SBF2: variants seen among roughly 807,000 people sequenced by gnomAD.
SBF2 encodes SET binding factor 2, also known as myotubularin-related protein 13.
SBF2 carries 112 observed loss-of-function variants against 225.2 expected under a neutral mutation model. That is an observed-to-expected ratio of 0.50 (90% CI 0.43 to 0.58). The LOEUF (loss-of-function observed/expected upper bound fraction) is 0.58. Among genes scored for constraint, SBF2 ranks in the 20% least tolerant of loss-of-function variants. The pLI is 0.00. For synonymous variants in SBF2, 763 were observed against 773.3 expected, an observed-to-expected ratio of 0.99 and a Z score of 0.22; for missense variants, 1,996 against 2,206.2, an observed-to-expected ratio of 0.90 and a Z score of 1.91.
intron 17 of SBF2, among the ~76,000 whole-genome samples, chr11:9,870,319 A>G (rs1858619324): frequency 6.6e-6 from 1 of 152,192 alleles, no homozygotes; most frequent in African/African-American, 2.4e-5. Flanking sequence ...CCATTAAACT[A>G]CCATTGACAT....
chr11:10,273,480 A>T (rs1264607073), intron 1 of SBF2, among the ~76,000 whole-genome samples: 2 of 152,204 alleles, frequency 1.3e-5, no homozygotes, highest in African/African-American at 4.8e-5. Context: ...TAAAGAACTT[A>T]TTTTTCTTTT....
intron 9 of SBF2, among the ~76,000 whole-genome samples, chr11:9,996,474 C>T (rs1301545002): frequency 6.6e-6 from 1 of 152,200 alleles, no homozygotes; most frequent in African/African-American, 2.4e-5. Context: ...ACTGCAACCT[C>T]CGCCTCCCAG....
intron 2 of SBF2, among the ~76,000 whole-genome samples, chr11:10,087,568 T>C (rs1590927744): frequency 6.6e-6 from 1 of 152,238 alleles, no homozygotes; most frequent in Non-Finnish European, 1.5e-5. Flanking sequence ...TTTTCTGTTA[T>C]GGTAAATAAT....
chr11:9,813,146 A>G (rs564829100), intron 29 of SBF2, among the ~76,000 whole-genome samples: 1 of 152,344 alleles, frequency 6.6e-6, no homozygotes, highest in Admixed American at 6.5e-5. Flanking sequence ...ATGGTAAGGG[A>G]TAGGTAACAC....
intron 2 of SBF2, among the ~76,000 whole-genome samples, chr11:10,082,583 A>G (rs973208816): frequency 6.6e-6 from 1 of 152,228 alleles, no homozygotes; most frequent in African/African-American, 2.4e-5. Context: ...GGCTCAATAT[A>G]TGCAAATCAA....
rs550116604 is a variant in SBF2, at chr11:10,167,604, T to A, written c.141+26298A>T. Among the ~76,000 whole-genome samples the A allele has an allele frequency of 4.6e-5, 7 of 152,258 alleles. No individual in the cohort carries two copies. The East Asian group carries it at 1.4e-3, about 29-fold the overall frequency. On this transcript the variant is annotated intron_variant, in intron 2 of 39. Transcript: ENST00000256190. ...AATAAATAAATAAATAAAATCTAGT[T>A]GCAATTTGCTTGGTAATATAGGAAA...
intron 17 of SBF2, among the ~76,000 whole-genome samples, chr11:9,882,860 A>G (rs548592554): frequency 1.3e-5 from 2 of 151,986 alleles, no homozygotes; most frequent in East Asian, 3.9e-4. Context: ...GCACTAATCA[A>G]TATTTCTTTT....
At chr11:10,178,241 T>C (rs1956558619) in intron 2 of SBF2, among the ~76,000 whole-genome samples, 1 of 150,394 alleles carries the variant, frequency 6.6e-6, no homozygotes, top group South Asian at 2.1e-4. Flanking sequence ...ATAAAAACCC[T>C]AGAAGAAAAC....
intron 16 of SBF2, among the ~76,000 whole-genome samples, chr11:9,911,013 C>G (rs890818919): frequency 1.3e-5 from 2 of 148,700 alleles, no homozygotes; most frequent in African/African-American, 5.0e-5. Context: ...GAGCTGAGAT[C>G]GCCCCACTGC....
intron 2 of SBF2, among the ~76,000 whole-genome samples, chr11:10,182,732 CTTT>C (rs1321819130): frequency 2.0e-5 from 3 of 148,726 alleles, no homozygotes; most frequent in Non-Finnish European, 3.0e-5. Context: ...TTTTCTATGT[CTTT>C]TTGTTGTTGT....
At chr11:9,809,335 T>G in intron 30 of SBF2, 1 of 264,444 alleles carries the variant, frequency 3.8e-6, no homozygotes, top group Non-Finnish European at 7.4e-6. Flanking sequence ...TTCAAAAAAG[T>G]AGACACATTT....
chr11:9,922,766 C>T (rs1863733189), intron 16 of SBF2, among the ~76,000 whole-genome samples: 1 of 152,048 alleles, frequency 6.6e-6, no homozygotes. Flanking sequence ...TCTCTATTTC[C>T]CCCTCTTTCC....
intron 2 of SBF2, among the ~76,000 whole-genome samples, chr11:10,102,753 G>A (rs543789963): frequency 2.0e-4 from 30 of 152,164 alleles, no homozygotes; most frequent in Admixed American, 9.2e-4. Flanking sequence ...TGGGGCCACA[G>A]TCTGGGCCCA....
Position 9,829,515 on chromosome 11 carries a change from T to C in SBF2, c.3653-19A>G. The C allele has an allele frequency of 6.4e-7, 1 of 1,572,478 alleles. No homozygotes were observed. Among genetic ancestry groups the C allele is most frequent in the Non-Finnish European group, 8.8e-7 (1 of 1,142,446 alleles). On this transcript the variant is annotated intron_variant, in intron 27 of 39. Transcript: ENST00000256190. ...GTAGGAGCTATAAAAGGAAAATATATTGAATAAAATAAACTGTCTCTGTGT... is the reference window on the plus strand; with the variant it reads ...GTAGGAGCTATAAAAGGAAAATATACTGAATAAAATAAACTGTCTCTGTGT...
At chr11:10,068,986 T>C (rs925112806) in intron 2 of SBF2, among the ~76,000 whole-genome samples, 8 of 152,218 alleles carry the variant, frequency 5.3e-5, no homozygotes, top group Non-Finnish European at 1.0e-4. Flanking sequence ...CTTCCAGCCA[T>C]ATTAATCATT....
intron 32 of SBF2, among the ~76,000 whole-genome samples, chr11:9,798,821 G>A (rs10840304): frequency 0.36 from 54,187 of 151,404 alleles, 10,488 homozygotes; most frequent in Non-Finnish European, 0.43. Context: ...GCGTGGTGGC[G>A]GGCGCCTGTA....
At chr11:9,988,610 C>T (rs997148284) in intron 13 of SBF2, among the ~76,000 whole-genome samples, 10 of 152,216 alleles carry the variant, frequency 6.6e-5, no homozygotes, top group African/African-American at 1.7e-4. Context: ...ATAGACAATT[C>T]TCAAAAGAAG....
intron 6 of SBF2, among the ~76,000 whole-genome samples, chr11:10,009,490 A>G (rs1317510249): frequency 2.0e-5 from 3 of 151,834 alleles, no homozygotes; most frequent in African/African-American, 7.3e-5. Flanking sequence ...ACTCCCACTT[A>G]TGAGTGAGAA....
intron 17 of SBF2, among the ~76,000 whole-genome samples, chr11:9,886,535 G>A (rs896230903): frequency 5.2e-5 from 3 of 58,232 alleles, no homozygotes; most frequent in African/African-American, 8.1e-5. Flanking sequence ...CGGGTAGCCT[G>A]TAGTTCTTTG....
Sources: gnomAD v4.1 joint callset for allele counts (sites outside exome capture counted in the v4.1 genomes callset) on GRCh38, gnomAD v4.1.1 for gene constraint, MANE v1.5 for transcripts, NCBI Gene and HGNC (gene_info 2026-07-23, HGNC 2026-07-21) for gene names.